The following DACH2 variants were observed in gnomAD, a reference collection of about 807,000 sequenced individuals.
DACH2 encodes dachshund family transcription factor 2, also known as dachshund homolog 2.
Under a neutral mutation model 35.8 loss-of-function variants are expected in DACH2, and 17 were observed. That is an observed-to-expected ratio of 0.48 (90% CI 0.33 to 0.71). The LOEUF (loss-of-function observed/expected upper bound fraction) is 0.71, where lower values mean the gene tolerates loss of function less well. Among genes scored for constraint, DACH2 ranks in the 30% least tolerant of loss-of-function variants. The probability of loss-of-function intolerance (pLI) is 0.02; values close to 1 mark genes in which losing one functional copy is unlikely to be tolerated. For missense variants in DACH2, 469 were observed against 472.7 expected (o/e 0.99, Z 0.07); for synonymous variants, 195 against 177.3 (o/e 1.10, Z -0.79).
rs548559984 is a variant in DACH2 at position 86,416,434 on chromosome X, G to A, written c.527+39572G>A. ...CAGTATTTTAAAAAATATTCAAGGT[G>A]TATGTGTGTGTGGGCACACACATTT... On this transcript the variant is annotated intron_variant, in intron 2 of 11. Transcript: ENST00000373125. 6.3e-5 allele frequency among the ~76,000 whole-genome samples: 7 copies of A among 111,876 alleles called. No individual in the cohort carries two copies. In the South Asian group the frequency reaches 1.5e-3, roughly 24 times the overall value.
chrX:86,609,483 A>T (rs2148366561), intron 3 of DACH2, among the ~76,000 whole-genome samples: 1 of 111,959 alleles, frequency 8.9e-6, no homozygotes, highest in South Asian at 3.7e-4. Flanking sequence ...ATTTAATTCA[A>T]TTTGTGAGTT....
chrX:86,210,992 G>A (rs146650717), intron 1 of DACH2, among the ~76,000 whole-genome samples: 248 of 111,617 alleles, frequency 2.2e-3, no homozygotes, highest in African/African-American at 7.7e-3. Context: ...GATGAGCAAT[G>A]CATTTGATGA....
At chrX:86,529,796 A>T (rs1254932096) in intron 3 of DACH2, among the ~76,000 whole-genome samples, 3 of 111,100 alleles carry the variant, frequency 2.7e-5, no homozygotes, top group Admixed American at 9.6e-5. Context: ...TAGCTCCCTC[A>T]TATGAGTGAG....
Position 86,798,964 on chromosome X carries a change from C to T in DACH2, c.1241-13892C>T. Reference sequence around the variant, plus strand: ...GTAAGCACGGAGGGTTGTATACATCCCAAAGAAATCTCTATGTCAGAATTT... The same window carrying T: ...GTAAGCACGGAGGGTTGTATACATCTCAAAGAAATCTCTATGTCAGAATTT... On this transcript the variant is annotated intron_variant, in intron 7 of 11. Coordinates refer to ENST00000373125, the MANE Select transcript of DACH2 (RefSeq NM_053281.3). 5 of 220,183 alleles carry T rather than the reference C, an allele frequency of 2.3e-5. No individual in the cohort carries two copies. The South Asian group carries it at 2.7e-4, about 12-fold the overall frequency. 18.1% of individuals were successfully genotyped at this position (220,183 alleles called of 1,213,427 possible).
At chrX:86,312,140 G>A (rs1373817418) in intron 1 of DACH2, among the ~76,000 whole-genome samples, 2 of 112,214 alleles carry the variant, frequency 1.8e-5, no homozygotes. Flanking sequence ...CTGCAGAAAC[G>A]AGGACTGTGT....
intron 2 of DACH2, among the ~76,000 whole-genome samples, chrX:86,490,690 C>T (rs1386528488): frequency 9.0e-6 from 1 of 110,955 alleles, no homozygotes; most frequent in Non-Finnish European, 1.9e-5. Context: ...ATTCACCTTC[C>T]TTTATTCGAT....
At chrX:86,431,432 T>C (rs976441474) in intron 2 of DACH2, among the ~76,000 whole-genome samples, 1 of 112,042 alleles carries the variant, frequency 8.9e-6, no homozygotes, top group Admixed American at 9.5e-5. Context: ...AAATTTGTCA[T>C]AATATGTAGT....
chrX:86,823,661 T>TGAAA (rs2042535054), intron 11 of DACH2, among the ~76,000 whole-genome samples: 1 of 112,109 alleles, frequency 8.9e-6, no homozygotes, highest in African/African-American at 3.2e-5. Context: ...CATAGGTTCT[T>TGAAA]TCTATTTTCC....
intron 3 of DACH2, among the ~76,000 whole-genome samples, chrX:86,586,943 G>T (rs1348814991): frequency 4.5e-5 from 5 of 111,550 alleles, no homozygotes; most frequent in Non-Finnish European, 9.5e-5. Context: ...AGTTCTTTAA[G>T]TTCTGTGAAG....
intron 3 of DACH2, among the ~76,000 whole-genome samples, chrX:86,539,358 T>C (rs965622576): frequency 2.7e-5 from 3 of 111,573 alleles, no homozygotes; most frequent in Non-Finnish European, 5.7e-5. Context: ...TCTTTTCTTT[T>C]TAAATTATCC....
chrX:86,682,663 T>C (rs1173478719), intron 4 of DACH2, among the ~76,000 whole-genome samples: 1 of 111,750 alleles, frequency 8.9e-6, no homozygotes, highest in East Asian at 2.8e-4. Context: ...CTCTTTGATA[T>C]CATCAGCAGT....
intron 2 of DACH2, among the ~76,000 whole-genome samples, chrX:86,511,849 T>C (rs1030939530): frequency 1.8e-5 from 2 of 111,645 alleles, no homozygotes; most frequent in African/African-American, 6.5e-5. Flanking sequence ...TTGTACACAG[T>C]CAGATTTGAG....
chrX:86,634,605 G>A (rs755471470), intron 3 of DACH2, among the ~76,000 whole-genome samples: 1 of 111,270 alleles, frequency 9.0e-6, no homozygotes, highest in African/African-American at 3.3e-5. Flanking sequence ...TATATTTTCA[G>A]GACACAAAAT....
chrX:86,594,841 C>T (rs1406973165), intron 3 of DACH2, among the ~76,000 whole-genome samples: 5 of 111,514 alleles, frequency 4.5e-5, no homozygotes, highest in African/African-American at 9.8e-5. Context: ...TATTTTCTGT[C>T]GGCCAGGTCT....
chrX:86,474,596 G>T (rs183448834), intron 2 of DACH2, among the ~76,000 whole-genome samples: 1 of 112,183 alleles, frequency 8.9e-6, no homozygotes, highest in East Asian at 2.8e-4. Flanking sequence ...AGTTTTTCCA[G>T]CACTATTATT....
Position 86,830,123 on chromosome X carries a change from T to C in DACH2, c.1751-1983T>C, listed in dbSNP as rs535551722. On this transcript the variant is annotated intron_variant, in intron 11 of 11. Coordinates refer to ENST00000373125, the MANE Select transcript of DACH2 (RefSeq NM_053281.3). Reference sequence around the variant, plus strand: ...TATGGTTCCAGATGTTTTTGGTTTATGTAGGAGATTACTTTGACAGCTACT... The same window carrying C: ...TATGGTTCCAGATGTTTTTGGTTTACGTAGGAGATTACTTTGACAGCTACT... 3.6e-5 allele frequency: 4 copies of C among 111,965 alleles called. No individual in the cohort carries two copies. The South Asian group carries it at 1.5e-3, about 42-fold the overall frequency. 9.2% of individuals were successfully genotyped at this position (111,965 alleles called of 1,213,427 possible). A position where few individuals can be genotyped will look rare whatever the true frequency, so the allele number is the denominator to read the frequency against.
intron 5 of DACH2, among the ~76,000 whole-genome samples, chrX:86,703,512 G>T (rs945075140): frequency 9.0e-6 from 1 of 111,296 alleles, no homozygotes; most frequent in Non-Finnish European, 1.9e-5. Context: ...GATTGTATAC[G>T]TAGAAAACCC....
At chrX:86,650,847 A>G (rs910816807) in intron 3 of DACH2, among the ~76,000 whole-genome samples, 189 bp from the exon 4 acceptor site, 3 of 111,429 alleles carry the variant, frequency 2.7e-5, no homozygotes, top group African/African-American at 9.8e-5. Context: ...GCTCTGTTAA[A>G]TAAATTTATC....
intron 2 of DACH2, among the ~76,000 whole-genome samples, chrX:86,388,587 G>A (rs990086321): frequency 2.7e-5 from 3 of 111,589 alleles, no homozygotes; most frequent in Admixed American, 9.6e-5. Context: ...GAAATGCTAC[G>A]TTAATATTTG....
Sources: allele counts gnomAD v4.1 joint callset (sites outside exome capture counted in the v4.1 genomes callset), GRCh38; gene constraint gnomAD v4.1.1; transcripts MANE v1.5; gene names NCBI Gene and HGNC (gene_info 2026-07-23, HGNC 2026-07-21).